REPS2: variants seen among roughly 807,000 people sequenced by gnomAD.
REPS2 encodes ralBP1-associated Eps domain-containing protein 2.
REPS2 carries 23 observed loss-of-function variants against 53.6 expected under a neutral mutation model. The observed-to-expected ratio is 0.43, with a 90% CI of 0.31 to 0.61. The LOEUF (loss-of-function observed/expected upper bound fraction) is 0.61, where lower values mean the gene tolerates loss of function less well. Ranked by LOEUF, REPS2 falls within the 20% of genes least tolerant of loss-of-function variation. REPS2 has a pLI of 0.11. For missense variants in REPS2, 446 were observed against 534.9 expected (o/e 0.83, Z 1.64); for synonymous variants, 238 against 218.6 (o/e 1.09, Z -0.78).
At chrX:17,159,996 T>C in the REPS2 span, among the ~76,000 whole-genome samples, 3 of 112,357 alleles carry the variant, frequency 2.7e-5, no homozygotes, top group Non-Finnish European at 3.8e-5. Flanking sequence ...AAACTGAAAC[T>C]AGAATTATTA....
At chrX:17,090,156 A>C (rs747224991) in intron 13 of REPS2, among the ~76,000 whole-genome samples, 5 of 112,044 alleles carry the variant, frequency 4.5e-5, no homozygotes, top group Admixed American at 1.9e-4. Flanking sequence ...TCATGTGCTT[A>C]TTAGTTATTC....
chrX:17,027,021 T>G (rs2061653885), intron 4 of REPS2, among the ~76,000 whole-genome samples: 1 of 111,674 alleles, frequency 9.0e-6, no homozygotes, highest in Non-Finnish European at 1.9e-5. Context: ...CTCGAACCCC[T>G]GGACTCAAGC....
chrX:17,143,756 G>A (rs768628390), intron 17 of REPS2, among the ~76,000 whole-genome samples: 38 of 110,347 alleles, frequency 3.4e-4, no homozygotes, highest in African/African-American at 1.2e-3. Context: ...ATTTTTGACG[G>A]TATCCTATTC....
chrX:17,181,497 C>T, the REPS2 span, among the ~76,000 whole-genome samples: 1 of 112,038 alleles, frequency 8.9e-6, no homozygotes. Flanking sequence ...CTGGAGAATG[C>T]AAGACCACAT....
intron 14 of REPS2, among the ~76,000 whole-genome samples, chrX:17,109,050 G>T (rs765121763): frequency 9.1e-5 from 10 of 110,368 alleles, no homozygotes; most frequent in African/African-American, 3.0e-4. Flanking sequence ...CTGAGATTTG[G>T]AAAGCCAGAT....
chrX:16,984,626 T>C (rs1424928258), intron 1 of REPS2, among the ~76,000 whole-genome samples: 3 of 112,440 alleles, frequency 2.7e-5, no homozygotes, highest in Admixed American at 9.4e-5. Flanking sequence ...ACACCTGTTT[T>C]GTACTTTAAG....
At chrX:17,064,950 T>C (rs893324322) in intron 9 of REPS2, among the ~76,000 whole-genome samples, 5 of 112,937 alleles carry the variant, frequency 4.4e-5, no homozygotes, top group Non-Finnish European at 9.4e-5. Context: ...TCATAACATG[T>C]ATCAGTGCTT....
intron 14 of REPS2, among the ~76,000 whole-genome samples, chrX:17,115,224 C>T (rs192408150): frequency 0.019 from 2,079 of 112,093 alleles, 34 homozygotes; most frequent in Middle Eastern, 0.041. Flanking sequence ...GGGGATGTGG[C>T]AGGGTCATAG....
chrX:17,162,727 C>A, the REPS2 span, among the ~76,000 whole-genome samples: 1 of 112,478 alleles, frequency 8.9e-6, no homozygotes, highest in Non-Finnish European at 1.9e-5. Context: ...AGCAAAGACT[C>A]AGATTTATTG....
At chrX:17,068,506 G>T in intron 10 of REPS2, 35 bp downstream of exon 10, 1 of 1,067,332 alleles carries the variant, frequency 9.4e-7, no homozygotes, top group African/African-American at 1.8e-5. Flanking sequence ...TTTAACCAGC[G>T]TTCTACCTGT....
At chrX:17,013,739 C>T (rs1478081234) in intron 2 of REPS2, among the ~76,000 whole-genome samples, 1 of 110,657 alleles carries the variant, frequency 9.0e-6, no homozygotes, top group African/African-American at 3.3e-5. Context: ...TCAACTCATC[C>T]TTTCTGACTG....
chrX:17,157,574 A>G (rs1296846743), downstream of REPS2, among the ~76,000 whole-genome samples: 1 of 111,843 alleles, frequency 8.9e-6, no homozygotes, highest in South Asian at 3.7e-4. Context: ...GGGGGATGCT[A>G]CTGGCATCTA....
chrX:17,015,202 G>A (rs762950145), intron 2 of REPS2, among the ~76,000 whole-genome samples: 2 of 112,739 alleles, frequency 1.8e-5, no homozygotes, highest in East Asian at 5.6e-4. Flanking sequence ...TGTGGCTATT[G>A]AGCACTTGAA....
At chrX:17,146,910 T>C (rs921280084) in intron 17 of REPS2, among the ~76,000 whole-genome samples, 2 of 111,973 alleles carry the variant, frequency 1.8e-5, no homozygotes, top group African/African-American at 6.5e-5. Flanking sequence ...CCTTACACCA[T>C]ATGTTGTGCA....
intron 14 of REPS2, among the ~76,000 whole-genome samples, chrX:17,115,328 T>G (rs1408242972): frequency 9.0e-6 from 1 of 111,104 alleles, no homozygotes; most frequent in African/African-American, 3.3e-5. Flanking sequence ...GCTTTAGATA[T>G]GCATACACAT....
intron 13 of REPS2, among the ~76,000 whole-genome samples, chrX:17,086,553 C>T (rs187944884): frequency 8.9e-6 from 1 of 112,388 alleles, no homozygotes; most frequent in Non-Finnish European, 1.9e-5. Context: ...GAGTTTGGAA[C>T]AGATGCACAC....
intron 5 of REPS2, 84 bp from the exon 6 acceptor site, chrX:17,047,263 G>C (rs1051135109): frequency 4.7e-6 from 5 of 1,054,458 alleles, no homozygotes; most frequent in Non-Finnish European, 6.5e-6. Flanking sequence ...CATAACACAT[G>C]ATAACTTTTA....
rs1330424696 is a variant in REPS2, at chrX:17,070,613, A to G, written c.1333+620A>G. Among the ~76,000 whole-genome samples the G allele has an allele frequency of 2.7e-5, 3 of 112,147 alleles. No homozygotes were observed. In the East Asian group the frequency reaches 8.3e-4, roughly 31 times the overall value. Reference sequence around the variant, plus strand: ...GAATCTAGTTAAAAACAAAGTGGCTACAGAAGACATTACTATTTGGAGCTC... The same window carrying G: ...GAATCTAGTTAAAAACAAAGTGGCTGCAGAAGACATTACTATTTGGAGCTC... On this transcript the variant is annotated intron_variant, in intron 11 of 17. Coordinates refer to ENST00000357277, the MANE Select transcript of REPS2 (RefSeq NM_004726.3).
chrX:16,956,910 A>C (rs2060604335), intron 1 of REPS2, among the ~76,000 whole-genome samples: 1 of 112,434 alleles, frequency 8.9e-6, no homozygotes, highest in Admixed American at 9.4e-5. Context: ...CCATCCTCAT[A>C]ATACCATTCA....
Sources: allele counts gnomAD v4.1 joint callset (sites outside exome capture counted in the v4.1 genomes callset), GRCh38; gene constraint gnomAD v4.1.1; transcripts MANE v1.5; gene names NCBI Gene and HGNC (gene_info 2026-07-23, HGNC 2026-07-21).